The following PCCA variants were observed in gnomAD, a reference collection of about 807,000 sequenced individuals.
PCCA encodes the protein propionyl-CoA carboxylase alpha chain, mitochondrial.
Under a neutral mutation model 101.3 loss-of-function variants are expected in PCCA, and 74 were observed. That is an observed-to-expected ratio of 0.73 (90% CI 0.61 to 0.89). PCCA has a LOEUF of 0.89. Among genes scored for constraint, PCCA ranks in the 40% least tolerant of loss-of-function variants. The probability of loss-of-function intolerance (pLI) is 0.00; values close to 1 mark genes in which losing one functional copy is unlikely to be tolerated. For missense variants in PCCA, 891 were observed against 907.0 expected, an observed-to-expected ratio of 0.98 and a Z score of 0.23; for synonymous variants, 294 against 313.6, an observed-to-expected ratio of 0.94 and a Z score of 0.66.
At chr13:100,439,719 C>G (rs887424340) in intron 20 of PCCA, among the ~76,000 whole-genome samples, 2 of 151,798 alleles carry the variant, frequency 1.3e-5, no homozygotes, top group Non-Finnish European at 2.9e-5. Flanking sequence ...CAAGCAGAGC[C>G]GACTAACTGC....
At chr13:100,449,852 A>T (rs79011088) in intron 21 of PCCA, among the ~76,000 whole-genome samples, 2,017 of 152,270 alleles carry the variant, frequency 0.013, 48 homozygotes, top group African/African-American at 0.046. Context: ...CCCAAATAGA[A>T]TCAAAGTCAT....
intron 20 of PCCA, among the ~76,000 whole-genome samples, chr13:100,436,625 C>T (rs1173398008): frequency 6.6e-6 from 1 of 152,246 alleles, no homozygotes; most frequent in Non-Finnish European, 1.5e-5. Flanking sequence ...TCTCCTGCCT[C>T]AGTGCTATCA....
chr13:100,486,172 A>T (rs532564972), intron 21 of PCCA, among the ~76,000 whole-genome samples: 2 of 152,288 alleles, frequency 1.3e-5, no homozygotes. Flanking sequence ...GGCCCATCTC[A>T]TCTTTACTCA....
chr13:100,485,412 G>C (rs1049175349), intron 21 of PCCA, among the ~76,000 whole-genome samples: 1 of 152,190 alleles, frequency 6.6e-6, no homozygotes, highest in Non-Finnish European at 1.5e-5. Context: ...ATTGAACGCA[G>C]ATAGCACAAC....
intron 7 of PCCA, among the ~76,000 whole-genome samples, chr13:100,232,064 CTTAA>C (rs1236756088): frequency 6.6e-6 from 1 of 152,230 alleles, no homozygotes; most frequent in African/African-American, 2.4e-5. Flanking sequence ...TCTCTTAAAG[CTTAA>C]TTGTCATTTG....
intron 21 of PCCA, among the ~76,000 whole-genome samples, chr13:100,498,773 A>T (rs1266302804): frequency 6.6e-6 from 1 of 152,116 alleles, no homozygotes; most frequent in Non-Finnish European, 1.5e-5. Context: ...TTGTAGGTTT[A>T]TTCCACTACC....
intron 22 of PCCA, chr13:100,527,207 TCAC>T (rs2087910071): frequency 2.2e-6 from 1 of 454,362 alleles, no homozygotes; most frequent in South Asian, 1.6e-5. Context: ...TGTGTAGTTG[TCAC>T]CACAATCAAT....
At chr13:100,331,414 T>G (rs2069550754) in intron 17 of PCCA, among the ~76,000 whole-genome samples, 1 of 152,198 alleles carries the variant, frequency 6.6e-6, no homozygotes, top group African/African-American at 2.4e-5. Context: ...CAAGTGTTCT[T>G]TGTATCCATT....
intron 2 of PCCA, 99 bp downstream of exon 2, chr13:100,103,059 T>A: frequency 1.3e-6 from 1 of 786,410 alleles, no homozygotes; most frequent in South Asian, 1.4e-5. Flanking sequence ...GAGATTTTGT[T>A]AAGGCTGTGT....
At chr13:100,481,938 G>A (rs947603539) in intron 21 of PCCA, among the ~76,000 whole-genome samples, 3 of 152,084 alleles carry the variant, frequency 2.0e-5, no homozygotes, top group Non-Finnish European at 2.9e-5. Flanking sequence ...TTATTACAAC[G>A]TACCATCAAT....
At chr13:100,444,483 C>T (rs1472839130) in intron 20 of PCCA, among the ~76,000 whole-genome samples, 1 of 143,042 alleles carries the variant, frequency 7.0e-6, no homozygotes, top group Non-Finnish European at 1.5e-5. Context: ...CGCCCTGTCA[C>T]CCAGGCTGGA....
intron 4 of PCCA, among the ~76,000 whole-genome samples, chr13:100,118,070 C>A (rs1166216417): frequency 6.8e-6 from 1 of 147,534 alleles, no homozygotes; most frequent in Non-Finnish European, 1.5e-5. Context: ...GAGCTGAGAT[C>A]GTGCCACTGC....
chr13:100,223,279 G>A (rs981419819), intron 7 of PCCA, among the ~76,000 whole-genome samples: 5 of 152,112 alleles, frequency 3.3e-5, no homozygotes, highest in African/African-American at 1.2e-4. Context: ...ATGAAGCCGC[G>A]GACCCTCGCG....
At chr13:100,254,157 A>G (rs910580489) in intron 8 of PCCA, among the ~76,000 whole-genome samples, 11 of 152,082 alleles carry the variant, frequency 7.2e-5, no homozygotes, top group African/African-American at 2.7e-4. Flanking sequence ...TTACGAAACC[A>G]TCAGATCTCA....
intron 19 of PCCA, among the ~76,000 whole-genome samples, chr13:100,384,029 T>G (rs2076368417): frequency 2.6e-4 from 1 of 3,864 alleles, no homozygotes; most frequent in African/African-American, 5.0e-4. Flanking sequence ...AAAGTTTGAT[T>G]TTTTTTTTTT....
chr13:100,402,063 T>A (rs1314823934), intron 19 of PCCA, among the ~76,000 whole-genome samples: 1 of 152,142 alleles, frequency 6.6e-6, no homozygotes, highest in Admixed American at 6.5e-5. Context: ...TTGTAGATTT[T>A]GTATTGTAAA....
chr13:100,465,827 CAT>C (rs763597217), intron 21 of PCCA, among the ~76,000 whole-genome samples: 3 of 152,238 alleles, frequency 2.0e-5, no homozygotes, highest in Non-Finnish European at 2.9e-5. Flanking sequence ...ACAAAGTACA[CAT>C]GTCATGACCT....
intron 6 of PCCA, among the ~76,000 whole-genome samples, chr13:100,163,079 A>T (rs772417360): frequency 6.6e-6 from 1 of 152,206 alleles, no homozygotes. Context: ...TGAATGCCTG[A>T]AAAAGGAAAA....
intron 20 of PCCA, among the ~76,000 whole-genome samples, chr13:100,431,260 T>A (rs1404714152): frequency 6.6e-6 from 1 of 152,220 alleles, no homozygotes; most frequent in Non-Finnish European, 1.5e-5. Flanking sequence ...AAATATCTGC[T>A]CATGACTTTT....
Sources: allele counts gnomAD v4.1 joint callset (sites outside exome capture counted in the v4.1 genomes callset), GRCh38; gene constraint gnomAD v4.1.1; transcripts MANE v1.5; gene names NCBI Gene and HGNC (gene_info 2026-07-23, HGNC 2026-07-21).